The following PDZRN3 variants were observed in gnomAD, a reference collection of about 807,000 sequenced individuals.
The protein encoded by PDZRN3 is PDZ domain containing ring finger 3.
PDZRN3 carries 38 observed loss-of-function variants against 85.7 expected under a neutral mutation model. The ratio of observed to expected loss-of-function variants is 0.44; its 90% CI spans 0.34 to 0.58. The LOEUF (loss-of-function observed/expected upper bound fraction) is 0.58. PDZRN3 is among the 20% of genes least tolerant of loss of function. PDZRN3 has a pLI of 0.01. For missense variants in PDZRN3, 1,629 were observed against 1,506.4 expected (o/e 1.08, Z -1.35); for synonymous variants, 759 against 638.0 (o/e 1.19, Z -2.86).
At chr3:73,529,774 CA>C (rs1289493450) in intron 3 of PDZRN3, among the ~76,000 whole-genome samples, 1 of 152,176 alleles carries the variant, frequency 6.6e-6, no homozygotes, top group African/African-American at 2.4e-5. Flanking sequence ...TCAAACAAAC[CA>C]AAAACAAACA....
intron 1 of PDZRN3, among the ~76,000 whole-genome samples, chr3:73,619,252 C>T (rs897951443): frequency 6.6e-6 from 1 of 152,182 alleles, no homozygotes; most frequent in Non-Finnish European, 1.5e-5. Context: ...CAATCTTGAA[C>T]TCATCACCAA....
chr3:73,618,129 C>G (rs1702793489), intron 1 of PDZRN3, among the ~76,000 whole-genome samples: 1 of 152,212 alleles, frequency 6.6e-6, no homozygotes, highest in Non-Finnish European at 1.5e-5. Flanking sequence ...AACAGGCAAA[C>G]TAACATGAGC....
At chr3:73,596,783 C>G (rs1018524749) in intron 3 of PDZRN3, among the ~76,000 whole-genome samples, 6 of 152,072 alleles carry the variant, frequency 3.9e-5, no homozygotes, top group African/African-American at 7.2e-5. Flanking sequence ...GGAATACAAC[C>G]CATGACAGTG....
intron 3 of PDZRN3, among the ~76,000 whole-genome samples, chr3:73,524,828 T>C (rs1704483029): frequency 6.6e-6 from 1 of 151,724 alleles, no homozygotes; most frequent in African/African-American, 2.4e-5. Context: ...ATATTCAGTG[T>C]GTCTCAGGAG....
chr3:73,450,296 C>T (rs1226834099), intron 3 of PDZRN3, among the ~76,000 whole-genome samples: 1 of 152,192 alleles, frequency 6.6e-6, no homozygotes, highest in Non-Finnish European at 1.5e-5. Context: ...ATAGAGCGTA[C>T]TAAACATTCT....
intron 3 of PDZRN3, among the ~76,000 whole-genome samples, chr3:73,550,050 T>C (rs1296399351): frequency 6.6e-6 from 1 of 152,196 alleles, no homozygotes; most frequent in Non-Finnish European, 1.5e-5. Flanking sequence ...GGAAGCATAA[T>C]ATTTTAATAT....
rs1171053562 is a variant in PDZRN3 at position 73,447,430 on chromosome 3, C to G, written c.919-43035G>C. On this transcript the variant is annotated intron_variant, in intron 3 of 9. Coordinates refer to ENST00000263666, the MANE Select transcript of PDZRN3 (RefSeq NM_015009.3). Reference sequence around the variant, plus strand: ...CAAATCTGCCACTCCCCAGTCTTCTCCCTCTCCCTCCTTTTGCTGACACGT... The same window carrying G: ...CAAATCTGCCACTCCCCAGTCTTCTGCCTCTCCCTCCTTTTGCTGACACGT... Among the ~76,000 whole-genome samples, 3 of 152,086 alleles carry G rather than the reference C, an allele frequency of 2.0e-5. No homozygotes were observed. The East Asian group carries it at 5.8e-4, about 29-fold the overall frequency.
At chr3:73,392,035 C>A (rs557896891) in intron 5 of PDZRN3, among the ~76,000 whole-genome samples, 1 of 152,312 alleles carries the variant, frequency 6.6e-6, no homozygotes, top group South Asian at 2.1e-4. Flanking sequence ...CAAGTGGTCT[C>A]TCTCAAGGGT....
intron 3 of PDZRN3, among the ~76,000 whole-genome samples, chr3:73,405,051 G>A (rs1701825875): frequency 6.6e-6 from 1 of 152,184 alleles, no homozygotes; most frequent in African/African-American, 2.4e-5. Context: ...CTTATTGAGT[G>A]ACTACTGTCT....
intron 3 of PDZRN3, among the ~76,000 whole-genome samples, chr3:73,436,500 C>T (rs1387444418): frequency 6.6e-6 from 1 of 152,152 alleles, no homozygotes; most frequent in Non-Finnish European, 1.5e-5. Context: ...AGTTGAGGGC[C>T]TTTAAGTTAT....
intron 1 of PDZRN3, among the ~76,000 whole-genome samples, chr3:73,617,347 C>T (rs1354507486): frequency 1.3e-5 from 2 of 152,206 alleles, no homozygotes; most frequent in Non-Finnish European, 2.9e-5. Flanking sequence ...TGTTATACCA[C>T]TTCCCTTTCT....
intron 3 of PDZRN3, among the ~76,000 whole-genome samples, chr3:73,565,588 G>C (rs1160221630): frequency 1.3e-5 from 2 of 151,966 alleles, no homozygotes; most frequent in African/African-American, 4.8e-5. Context: ...CTTCCACTAC[G>C]CCCTGGGAAG....
Position 73,386,930 on chromosome 3 carries a change from G to C in PDZRN3, c.1518+1038C>G, listed in dbSNP as rs533406600. The stretch of plus-strand genomic sequence containing the variant: ...CACCCAAATCTCACCTTGAATTGTA[G>C]CTCCCATAAGTCCTACGTGTTGTGC... On this transcript the variant is annotated intron_variant, in intron 8 of 9. Transcript: ENST00000263666. 3.3e-5 allele frequency among the ~76,000 whole-genome samples: 5 copies of C among 152,272 alleles called. No individual in the cohort carries two copies. The South Asian group carries it at 8.3e-4, about 25-fold the overall frequency.
Position 73,624,243 on chromosome 3 carries a change from C to T in PDZRN3, c.583G>A (p.Glu195Lys), listed in dbSNP as rs1236748741. The T allele has an allele frequency of 1.4e-6, 2 of 1,467,646 alleles. No individual in the cohort carries two copies. The highest frequency in any genetic ancestry group is 5.0e-5 in the Admixed American group (2 of 40,384). 90.9% of individuals were successfully genotyped at this position (1,467,646 alleles called of 1,614,324 possible). Residue 195 changes from glutamate (E) to lysine (K), a missense_variant, in exon 1 of 10, where the codon GAG (glutamate) becomes AAG (lysine). Transcript: ENST00000263666. ...GCCAGCTGGGCCACCAGCGACTTCT[C>T]GCGCTTCCCAGCGCGCAGCGCCTCC... ...KKEALRAGKR[E>K]KSLVAQLAAA...
At chr3:73,419,900 G>A (rs1383802982) in intron 3 of PDZRN3, among the ~76,000 whole-genome samples, 2 of 152,142 alleles carry the variant, frequency 1.3e-5, no homozygotes, top group African/African-American at 4.8e-5. Flanking sequence ...TTAGTTTGGA[G>A]GGGGATGTGG....
At chr3:73,588,385 C>T (rs1484981347) in intron 3 of PDZRN3, among the ~76,000 whole-genome samples, 1 of 152,130 alleles carries the variant, frequency 6.6e-6, no homozygotes, top group African/African-American at 2.4e-5. Flanking sequence ...ACAGGTAACA[C>T]CACTTTTAAA....
chr3:73,492,270 T>C (rs1471886735), intron 3 of PDZRN3, among the ~76,000 whole-genome samples: 2 of 152,182 alleles, frequency 1.3e-5, no homozygotes, highest in Admixed American at 1.3e-4. Context: ...AATGTGGATG[T>C]GCAGGCAGCT....
chr3:73,573,688 G>T (rs1702075587), intron 3 of PDZRN3, among the ~76,000 whole-genome samples: 1 of 152,076 alleles, frequency 6.6e-6, no homozygotes. Flanking sequence ...CGTCAGAGAT[G>T]GTTTTCATTT....
At chr3:73,506,037 A>G (rs1371715833) in intron 3 of PDZRN3, among the ~76,000 whole-genome samples, 1 of 152,164 alleles carries the variant, frequency 6.6e-6, no homozygotes, top group Non-Finnish European at 1.5e-5. Context: ...GAGAGCAGGT[A>G]GAAAAAAAAT....
Sources: gnomAD v4.1 joint callset for allele counts (sites outside exome capture counted in the v4.1 genomes callset) on GRCh38, gnomAD v4.1.1 for gene constraint, MANE v1.5 for transcripts, NCBI Gene and HGNC (gene_info 2026-07-23, HGNC 2026-07-21) for gene names.